APP: variants seen among roughly 807,000 people sequenced by gnomAD.
APP encodes amyloid beta precursor protein.
A neutral mutation model predicts 101.4 loss-of-function variants in APP; 31 were observed. The observed-to-expected ratio is 0.31, with a 90% CI of 0.23 to 0.41. The LOEUF (loss-of-function observed/expected upper bound fraction) is 0.41, where lower values mean the gene tolerates loss of function less well. APP is among the 10% of genes least tolerant of loss of function. The pLI, the probability that APP is intolerant of heterozygous loss-of-function variation, is 1.00. For missense variants in APP, 839 were observed against 1,003.7 expected, an observed-to-expected ratio of 0.84 and a Z score of 2.22; for synonymous variants, 366 against 364.4, an observed-to-expected ratio of 1.00 and a Z score of -0.05.
intron 13 of APP, among the ~76,000 whole-genome samples, chr21:25,924,628 G>C (rs1173315678): frequency 6.8e-6 from 1 of 147,008 alleles, no homozygotes; most frequent in African/African-American, 2.5e-5. Flanking sequence ...GGGGTGAAAG[G>C]GGAGGGAGAG....
At chr21:26,079,186 A>G (rs980724444) in intron 3 of APP, among the ~76,000 whole-genome samples, 4 of 152,146 alleles carry the variant, frequency 2.6e-5, no homozygotes, top group African/African-American at 9.7e-5. Flanking sequence ...ACTGATGGAA[A>G]CACAGTGCTT....
At chr21:25,946,954 A>T (rs216772) in intron 13 of APP, among the ~76,000 whole-genome samples, 31,509 of 152,102 alleles carry the variant, frequency 0.21, 6,676 homozygotes, top group African/African-American at 0.54. Context: ...AGAGCGCAAT[A>T]TTTTTTTAAA....
At chr21:25,955,122 T>C (rs902468195) in intron 12 of APP, among the ~76,000 whole-genome samples, 10 of 152,184 alleles carry the variant, frequency 6.6e-5, no homozygotes, top group African/African-American at 2.4e-4. Context: ...TCAATTTGAT[T>C]GGCTATTTCA....
intron 2 of APP, among the ~76,000 whole-genome samples, chr21:26,105,961 C>A (rs933735879): frequency 1.3e-5 from 2 of 152,224 alleles, no homozygotes; most frequent in South Asian, 2.1e-4. Flanking sequence ...CACGGCCACA[C>A]CCACAAGGCC....
intron 3 of APP, among the ~76,000 whole-genome samples, chr21:26,078,176 AAATAT>A (rs1404159624): frequency 4.6e-5 from 7 of 152,244 alleles, no homozygotes. Context: ...AACTTTTTAA[AAATAT>A]AATACGTGAG....
chr21:26,002,963 G>A (rs2043361607), intron 6 of APP, among the ~76,000 whole-genome samples: 1 of 152,156 alleles, frequency 6.6e-6, no homozygotes, highest in Non-Finnish European at 1.5e-5. Context: ...ATGATCGAAG[G>A]AGATGATTCA....
chr21:26,048,165 A>G (rs2045687713), intron 5 of APP, among the ~76,000 whole-genome samples: 1 of 151,984 alleles, frequency 6.6e-6, no homozygotes, highest in Non-Finnish European at 1.5e-5. Flanking sequence ...AAGTACAAAA[A>G]AAAAAAAATT....
chr21:26,054,233 G>T (rs541153536), intron 3 of APP, among the ~76,000 whole-genome samples: 2 of 150,426 alleles, frequency 1.3e-5, no homozygotes, highest in African/African-American at 4.9e-5. Context: ...AACAATATTC[G>T]AGATGAATCT....
At chr21:25,992,757 A>T (rs1055167331) in intron 8 of APP, among the ~76,000 whole-genome samples, 1 of 152,222 alleles carries the variant, frequency 6.6e-6, no homozygotes, top group Non-Finnish European at 1.5e-5. Context: ...AGGTAGTTTA[A>T]TTCACCATCA....
chr21:25,901,211 T>C (rs2038446660), intron 15 of APP, among the ~76,000 whole-genome samples: 1 of 148,394 alleles, frequency 6.7e-6, no homozygotes, highest in Admixed American at 6.9e-5. Context: ...GGTGGGAGGA[T>C]AGCTTTAGCC....
At chr21:26,088,736 A>G (rs927564906) in intron 3 of APP, among the ~76,000 whole-genome samples, 2 of 152,196 alleles carry the variant, frequency 1.3e-5, no homozygotes, top group African/African-American at 4.8e-5. Context: ...CTTTTTGATG[A>G]ACCAGAAAAG....
chr21:26,167,274 G>A (rs2063638071), intron 1 of APP, among the ~76,000 whole-genome samples: 1 of 152,136 alleles, frequency 6.6e-6, no homozygotes, highest in Admixed American at 6.5e-5. Context: ...AGGAGGGAAG[G>A]GGAGGTAATG....
chr21:25,977,888 A>C (rs990963241), intron 9 of APP, among the ~76,000 whole-genome samples: 6 of 152,254 alleles, frequency 3.9e-5, no homozygotes, highest in African/African-American at 1.4e-4. Flanking sequence ...AGATGAGATA[A>C]GCCTTGCAAT....
chr21:26,000,273 C>A, intron 6 of APP, 91 bp from the exon 7 acceptor site: 2 of 1,512,412 alleles, frequency 1.3e-6, no homozygotes, highest in East Asian at 4.6e-5. Flanking sequence ...TTAATCCTCC[C>A]AGTGGCAACC....
At chr21:26,084,414 A>G (rs1208529176) in intron 3 of APP, among the ~76,000 whole-genome samples, 1 of 151,604 alleles carries the variant, frequency 6.6e-6, no homozygotes, top group African/African-American at 2.4e-5. Flanking sequence ...ATTTTTTTGT[A>G]TTTTTAGTAG....
intron 11 of APP, among the ~76,000 whole-genome samples, chr21:25,974,284 AG>A (rs1287868848): frequency 6.6e-6 from 1 of 152,138 alleles, no homozygotes; most frequent in Non-Finnish European, 1.5e-5. Context: ...TTACATGATG[AG>A]GGGGCTGGGC....
chr21:26,036,416 C>G (rs180841956), intron 5 of APP, among the ~76,000 whole-genome samples: 6 of 152,104 alleles, frequency 3.9e-5, no homozygotes, highest in African/African-American at 1.4e-4. Context: ...ATTCTAAGAA[C>G]TTACTAATCT....
chr21:26,160,311 G>A (rs2063465171), intron 1 of APP, among the ~76,000 whole-genome samples: 1 of 152,086 alleles, frequency 6.6e-6, no homozygotes. Context: ...ACACCCTATG[G>A]GTTAGCCAAG....
At chr21:25,967,101 T>C (rs2041824791) in intron 11 of APP, among the ~76,000 whole-genome samples, 2 of 152,242 alleles carry the variant, frequency 1.3e-5, no homozygotes, top group African/African-American at 2.4e-5. Flanking sequence ...CAAAGAATTA[T>C]GTGAAGAAGT....
Sources: gnomAD v4.1 joint callset for allele counts (sites outside exome capture counted in the v4.1 genomes callset) on GRCh38, gnomAD v4.1.1 for gene constraint, MANE v1.5 for transcripts, NCBI Gene and HGNC (gene_info 2026-07-23, HGNC 2026-07-21) for gene names.